Variants in MSI2 observed in about 807,000 individuals in gnomAD.
MSI2 encodes the protein musashi RNA binding protein 2.
MSI2 carries 17 observed loss-of-function variants against 45.6 expected under a neutral mutation model. The observed-to-expected ratio is 0.37, with a 90% CI of 0.26 to 0.56. The LOEUF (loss-of-function observed/expected upper bound fraction) is 0.56, where lower values mean the gene tolerates loss of function less well. MSI2 is among the 20% of genes least tolerant of loss of function. The pLI, the probability that MSI2 is intolerant of heterozygous loss-of-function variation, is 0.77. For missense variants in MSI2, 293 were observed against 444.2 expected, an observed-to-expected ratio of 0.66 and a Z score of 3.06; for synonymous variants, 156 against 158.2, an observed-to-expected ratio of 0.99 and a Z score of 0.11.
At chr17:57,299,259 C>T (rs773530858) in intron 5 of MSI2, among the ~76,000 whole-genome samples, 5 of 152,232 alleles carry the variant, frequency 3.3e-5, no homozygotes, top group East Asian at 3.9e-4. Flanking sequence ...GCTTTCTTAT[C>T]GTTCATGTGT....
intron 7 of MSI2, among the ~76,000 whole-genome samples, chr17:57,571,304 G>C (rs2087871561): frequency 1.3e-5 from 2 of 152,162 alleles, no homozygotes; most frequent in Non-Finnish European, 2.9e-5. Flanking sequence ...TCCACAACTT[G>C]CTTTTGTCGT....
chr17:57,506,521 G>A (rs1355570750), intron 6 of MSI2, among the ~76,000 whole-genome samples: 1 of 152,140 alleles, frequency 6.6e-6, no homozygotes, highest in Non-Finnish European at 1.5e-5. Context: ...GTGTGCTCCT[G>A]ATGCCATGTT....
At chr17:57,376,502 G>A (rs139740908) in intron 5 of MSI2, among the ~76,000 whole-genome samples, 2 of 152,152 alleles carry the variant, frequency 1.3e-5, no homozygotes, top group African/African-American at 2.4e-5. Context: ...GGCCAAGCAC[G>A]GCAGGTGAGA....
intron 6 of MSI2, among the ~76,000 whole-genome samples, chr17:57,486,444 G>A (rs762239895): frequency 1.3e-5 from 2 of 152,184 alleles, no homozygotes; most frequent in South Asian, 2.1e-4. Context: ...CTGGGGCTCC[G>A]AAAATAGTTT....
chr17:57,363,881 G>A (rs1162056201), intron 5 of MSI2, among the ~76,000 whole-genome samples: 1 of 152,232 alleles, frequency 6.6e-6, no homozygotes, highest in African/African-American at 2.4e-5. Flanking sequence ...CCAGACAGGT[G>A]AGAACTGCCC....
chr17:57,383,875 C>T (rs920636092), intron 5 of MSI2, among the ~76,000 whole-genome samples: 8 of 152,176 alleles, frequency 5.3e-5, no homozygotes, highest in African/African-American at 1.2e-4. Context: ...GGTCACTCCA[C>T]GGCTTGGTGC....
chr17:57,574,828 C>CTTTT (rs34704876), intron 7 of MSI2, among the ~76,000 whole-genome samples: 17 of 128,394 alleles, frequency 1.3e-4, no homozygotes, highest in African/African-American at 2.3e-4. Flanking sequence ...CTCTCTCTCT[C>CTTTT]TTTTTTTTTT....
intron 4 of MSI2, among the ~76,000 whole-genome samples, chr17:57,259,373 T>A (rs1907105029): frequency 6.6e-6 from 1 of 152,246 alleles, no homozygotes; most frequent in South Asian, 2.1e-4. Context: ...TCCCTACCTC[T>A]GGGTCTCAAT....
At chr17:57,306,459 G>A (rs1277579834) in intron 5 of MSI2, among the ~76,000 whole-genome samples, 1 of 152,122 alleles carries the variant, frequency 6.6e-6, no homozygotes, top group African/African-American at 2.4e-5. Context: ...TTGTAGACAC[G>A]TCCTCCCCAC....
rs367627673 is a variant in MSI2 at position 57,616,126 on chromosome 17, G to A, written c.652+42G>A. On this transcript the variant is annotated intron_variant, in intron 9 of 13. Transcript: ENST00000284073. ...CCGCAGGTCACCATGGACTGGGAGG[G>A]CTATGGAGGCCTCTACTCCCAACTG... 1,202 of 1,498,708 alleles carry A rather than the reference G, an allele frequency of 8.0e-4. 4 individuals carry two copies. Among genetic ancestry groups the A allele is most frequent in the Non-Finnish European group, 9.7e-4 (1,046 of 1,079,860 alleles). The allele number at this position is 1,498,708 out of a possible 1,614,324, so 92.8% of individuals were successfully genotyped here.
At chr17:57,339,355 G>A (rs376162783) in intron 5 of MSI2, among the ~76,000 whole-genome samples, 1 of 152,158 alleles carries the variant, frequency 6.6e-6, no homozygotes, top group African/African-American at 2.4e-5. Context: ...TTGCATGCAC[G>A]CTTAAGAAAG....
chr17:57,518,380 A>G (rs1186534364), intron 6 of MSI2, among the ~76,000 whole-genome samples: 1 of 152,052 alleles, frequency 6.6e-6, no homozygotes, highest in Non-Finnish European at 1.5e-5. Flanking sequence ...CCGAGACTGC[A>G]TTGGCCACAG....
intron 10 of MSI2, among the ~76,000 whole-genome samples, chr17:57,635,642 G>A (rs895861166): frequency 9.9e-5 from 15 of 152,104 alleles, no homozygotes; most frequent in African/African-American, 3.6e-4. Flanking sequence ...GTGTGCAAAC[G>A]GCAGGGGCAG....
chr17:57,586,065 C>T (rs940289893), intron 7 of MSI2, among the ~76,000 whole-genome samples: 4 of 152,220 alleles, frequency 2.6e-5, no homozygotes, highest in African/African-American at 9.6e-5. Flanking sequence ...TCGCCAAGAA[C>T]TATTTTCCCG....
chr17:57,468,382 G>T (rs2085368693), intron 6 of MSI2, among the ~76,000 whole-genome samples: 1 of 151,782 alleles, frequency 6.6e-6, no homozygotes, highest in Non-Finnish European at 1.5e-5. Flanking sequence ...TTAGCCGGGT[G>T]TGGTGGCGGG....
intron 6 of MSI2, among the ~76,000 whole-genome samples, chr17:57,467,129 G>A (rs1174774816): frequency 3.3e-5 from 5 of 152,212 alleles, no homozygotes; most frequent in African/African-American, 1.2e-4. Flanking sequence ...AGATGAGGGT[G>A]CACAGATTGG....
intron 7 of MSI2, among the ~76,000 whole-genome samples, chr17:57,593,568 C>A (rs1905030011): frequency 6.6e-6 from 1 of 152,064 alleles, no homozygotes; most frequent in African/African-American, 2.4e-5. Flanking sequence ...TTAGGGCCCA[C>A]CCTAAATCCA....
intron 11 of MSI2, among the ~76,000 whole-genome samples, chr17:57,661,811 T>C (rs1484426585): frequency 6.6e-6 from 1 of 152,210 alleles, no homozygotes; most frequent in Non-Finnish European, 1.5e-5. Flanking sequence ...TCTGTCCTTG[T>C]CTTTGCCCTC....
chr17:57,531,108 G>T (rs1482250176), intron 7 of MSI2, among the ~76,000 whole-genome samples: 1 of 152,090 alleles, frequency 6.6e-6, no homozygotes, highest in African/African-American at 2.4e-5. Context: ...CCCGTGGTGG[G>T]CAATTGAGGA....
Sources: allele counts gnomAD v4.1 joint callset (sites outside exome capture counted in the v4.1 genomes callset), GRCh38; gene constraint gnomAD v4.1.1; transcripts MANE v1.5; gene names NCBI Gene and HGNC (gene_info 2026-07-23, HGNC 2026-07-21).